Variants in VAV3 observed in about 807,000 individuals in gnomAD.
VAV3 encodes guanine nucleotide exchange factor VAV3.
VAV3 carries 94 observed loss-of-function variants against 131.2 expected under a neutral mutation model. The observed-to-expected ratio is 0.72, with a 90% CI of 0.61 to 0.85. The LOEUF (loss-of-function observed/expected upper bound fraction) is 0.85. Ranked by LOEUF, VAV3 falls within the 40% of genes least tolerant of loss-of-function variation. The probability of loss-of-function intolerance (pLI) is 0.00; values close to 1 mark genes in which losing one functional copy is unlikely to be tolerated. For missense variants in VAV3, 939 were observed against 1,002.7 expected, an observed-to-expected ratio of 0.94 and a Z score of 0.86; for synonymous variants, 349 against 342.0, an observed-to-expected ratio of 1.02 and a Z score of -0.22.
chr1:107,768,120 G>A (rs922944171), intron 7 of VAV3, among the ~76,000 whole-genome samples: 7 of 152,116 alleles, frequency 4.6e-5, no homozygotes, highest in African/African-American at 1.7e-4. Context: ...ACAGAGCTCC[G>A]CAGGGAAGTG....
At chr1:107,875,736 T>C (rs958498824) in intron 1 of VAV3, among the ~76,000 whole-genome samples, 4 of 152,168 alleles carry the variant, frequency 2.6e-5, no homozygotes, top group African/African-American at 9.7e-5. Context: ...CTTTTTGGCC[T>C]GTTGTGCTGA....
chr1:107,603,884 A>C (rs990755113), intron 22 of VAV3, among the ~76,000 whole-genome samples: 1 of 151,470 alleles, frequency 6.6e-6, no homozygotes, highest in Admixed American at 6.6e-5. Context: ...AGCTGCCTGC[A>C]ACCTCCGCCT....
intron 19 of VAV3, among the ~76,000 whole-genome samples, chr1:107,662,021 G>A (rs1056157772): frequency 1.6e-4 from 24 of 152,138 alleles, no homozygotes; most frequent in African/African-American, 5.8e-4. Flanking sequence ...AAAGAATTAA[G>A]CTGCTCTGTA....
intron 2 of VAV3, among the ~76,000 whole-genome samples, chr1:107,842,889 T>C (rs1395500978): frequency 6.6e-6 from 1 of 152,202 alleles, no homozygotes; most frequent in Non-Finnish European, 1.5e-5. Flanking sequence ...TGGAAATTAA[T>C]GATGGTTAAT....
intron 1 of VAV3, among the ~76,000 whole-genome samples, chr1:107,884,406 T>TTATTATTATTATTATTATTATTATTAA (rs1328209386): frequency 7.9e-3 from 3 of 380 alleles, no homozygotes; most frequent in African/African-American, 0.029. Flanking sequence ...AATAAATTAT[T>TTATTATTATTATTATTATTATTATTAA]TATTATTATT....
intron 15 of VAV3, 119 bp from the exon 16 acceptor site, chr1:107,705,180 G>A (rs748030817): frequency 2.0e-4 from 150 of 753,166 alleles, no homozygotes; most frequent in Middle Eastern, 3.6e-4. Flanking sequence ...CAAGCAAAAT[G>A]ACTACTAAAT....
chr1:107,668,709 G>A (rs1009678341), intron 19 of VAV3: 9 of 985,122 alleles, frequency 9.1e-6, no homozygotes, highest in African/African-American at 1.7e-5. Context: ...AGTCTAGAGA[G>A]GAGGAAACTA....
chr1:107,950,918 G>T (rs2101337498), intron 1 of VAV3, among the ~76,000 whole-genome samples: 1 of 152,254 alleles, frequency 6.6e-6, no homozygotes, highest in Admixed American at 6.5e-5. Context: ...TTTACTTTCA[G>T]TACTTTAGAT....
intron 17 of VAV3, among the ~76,000 whole-genome samples, chr1:107,693,351 C>G (rs949953579): frequency 5.9e-5 from 9 of 152,112 alleles, no homozygotes; most frequent in Non-Finnish European, 1.2e-4. Flanking sequence ...CATAGTTTGT[C>G]TTATTAACAA....
intron 19 of VAV3, among the ~76,000 whole-genome samples, chr1:107,662,219 GA>G (rs1415921432): frequency 6.6e-6 from 1 of 152,116 alleles, no homozygotes; most frequent in Non-Finnish European, 1.5e-5. Flanking sequence ...CACACGACAT[GA>G]ATACAAATGT....
rs188071047 is a variant in VAV3, at chr1:107,692,301, C to T, written c.1706-3895G>A. Among the ~76,000 whole-genome samples the T allele has an allele frequency of 1.1e-3, 169 of 152,144 alleles. 2 individuals are homozygous for T. Among genetic ancestry groups the T allele is most frequent in the African/African-American group, 4.0e-3 (165 of 41,512 alleles). On this transcript the variant is annotated intron_variant, in intron 17 of 26. Transcript: ENST00000370056. Reference sequence around the variant, plus strand: ...ACTATAAATAATACTTAGAAAGAGGCTTTGATTTCAAGTCTTTTCAGGGGC... The same window carrying T: ...ACTATAAATAATACTTAGAAAGAGGTTTTGATTTCAAGTCTTTTCAGGGGC...
chr1:107,803,057 G>A (rs1250993380), intron 2 of VAV3, among the ~76,000 whole-genome samples: 1 of 151,712 alleles, frequency 6.6e-6, no homozygotes, highest in East Asian at 1.9e-4. Context: ...TTTCTTCGTG[G>A]CTTAATCTTG....
intron 2 of VAV3, among the ~76,000 whole-genome samples, chr1:107,783,004 C>T (rs1665776957): frequency 6.6e-6 from 1 of 152,120 alleles, no homozygotes; most frequent in Non-Finnish European, 1.5e-5. Flanking sequence ...GTCAATAGGC[C>T]AACAATCAAC....
chr1:107,574,050 G>T lies in VAV3; in HGVS notation c.2499C>A (p.Gly833=), dbSNP rs769733030. Residue 833 remains glycine, a synonymous_variant, in exon 26 of 27, where the codon GGC becomes GGA. Coordinates refer to ENST00000370056, the MANE Select transcript of VAV3 (RefSeq NM_006113.5). ...CACATCGAGAGGGCCAACTTACCCT[G>T]CCATTTACTTCTCCTCTCCACCAGC... ...ANGWWRGEVN[G]RVGWFPSTYV... is the part of the protein sequence containing the mutation. The T allele has an allele frequency of 2.5e-6, 4 of 1,613,838 alleles. No homozygotes were observed. The South Asian group carries it at 4.4e-5, about 18-fold the overall frequency.
intron 1 of VAV3, among the ~76,000 whole-genome samples, chr1:107,954,846 C>T (rs1262149220): frequency 1.3e-5 from 2 of 151,780 alleles, no homozygotes; most frequent in Non-Finnish European, 1.5e-5. Context: ...GAATTCAGTT[C>T]GCTCTTAATG....
intron 19 of VAV3, among the ~76,000 whole-genome samples, chr1:107,681,807 C>T (rs894966447): frequency 3.9e-5 from 6 of 152,144 alleles, no homozygotes; most frequent in Non-Finnish European, 5.9e-5. Flanking sequence ...GCACCCGCCA[C>T]CACCCCCAGC....
intron 1 of VAV3, among the ~76,000 whole-genome samples, chr1:107,948,048 G>C (rs1674355950): frequency 6.6e-6 from 1 of 152,202 alleles, no homozygotes; most frequent in South Asian, 2.1e-4. Context: ...TAGGAACTGA[G>C]TAATGCTGAA....
rs1190007721 is a variant in VAV3 at position 107,583,721 on chromosome 1, G to T, written c.2351-9523C>A. On this transcript the variant is annotated intron_variant, in intron 25 of 26. Coordinates refer to ENST00000370056, the MANE Select transcript of VAV3 (RefSeq NM_006113.5). ...AAGGGATGTGAAGGACCTCTTCAAG[G>T]AGAACTACAAACCACTGCTCAATGA... 5.9e-5 allele frequency among the ~76,000 whole-genome samples: 9 copies of T among 151,442 alleles called. 1 individual carries two copies. The highest frequency in any genetic ancestry group is 8.9e-5 in the Non-Finnish European group (6 of 67,546).
intron 17 of VAV3, 132 bp from the exon 18 acceptor site, chr1:107,688,538 C>T (rs758773217): frequency 4.2e-5 from 64 of 1,537,370 alleles, no homozygotes; most frequent in Admixed American, 3.1e-4. Flanking sequence ...TATATTTCCA[C>T]GGTCCCTCAG....
Sources: gnomAD v4.1 joint callset for allele counts (sites outside exome capture counted in the v4.1 genomes callset) on GRCh38, gnomAD v4.1.1 for gene constraint, MANE v1.5 for transcripts, NCBI Gene and HGNC (gene_info 2026-07-23, HGNC 2026-07-21) for gene names.